The following PARD3B variants were observed in gnomAD, a reference collection of about 807,000 sequenced individuals.
The protein encoded by PARD3B is par-3 family cell polarity regulator beta, also known as partitioning defective 3 homolog B.
Under a neutral mutation model 130.2 loss-of-function variants are expected in PARD3B, and 103 were observed. That is an observed-to-expected ratio of 0.79 (90% CI 0.67 to 0.93). The LOEUF (loss-of-function observed/expected upper bound fraction) is 0.93, where lower values mean the gene tolerates loss of function less well. Ranked by LOEUF, PARD3B falls within the 40% of genes least tolerant of loss-of-function variation. PARD3B has a pLI of 0.00. For missense variants in PARD3B, 1,609 were observed against 1,499.2 expected (o/e 1.07, Z -1.21); for synonymous variants, 583 against 553.2 (o/e 1.05, Z -0.76).
intron 2 of PARD3B, among the ~76,000 whole-genome samples, chr2:204,787,754 G>T (rs1415814066): frequency 6.6e-6 from 1 of 152,182 alleles, no homozygotes; most frequent in African/African-American, 2.4e-5. Flanking sequence ...TGTCTTTAAA[G>T]GAAAATGACT....
intron 1 of PARD3B, among the ~76,000 whole-genome samples, chr2:204,663,082 C>G (rs1375947838): frequency 6.6e-6 from 1 of 152,190 alleles, no homozygotes; most frequent in Admixed American, 6.5e-5. Context: ...ACATTTGCCA[C>G]ATTTTAGTAA....
At chr2:205,120,648 C>T (rs753228475) in intron 7 of PARD3B, among the ~76,000 whole-genome samples, 90 of 152,190 alleles carry the variant, frequency 5.9e-4, no homozygotes, top group Admixed American at 1.4e-3. Context: ...AGGCAGCTTC[C>T]GTTTTCTGCT....
At chr2:204,948,645 A>G (rs528036060) in intron 2 of PARD3B, among the ~76,000 whole-genome samples, 1 of 152,278 alleles carries the variant, frequency 6.6e-6, no homozygotes, top group South Asian at 2.1e-4. Context: ...GTTCCCCAGT[A>G]TTTATCTTAC....
At position 205,107,052 on chromosome 2, in the gene PARD3B, T is replaced by C. The variant is rs138335707; in HGVS notation, c.593+2538T>C. Among the ~76,000 whole-genome samples, 1,065 of 152,340 alleles carry C rather than the reference T, an allele frequency of 7.0e-3. 14 individuals are homozygous for C. Among genetic ancestry groups the C allele is most frequent in the African/African-American group, 0.024 (1,006 of 41,572 alleles). ...AGGGCTTGGCCCATGCATAGGACTTTGGGCACGCATCCACGTAGAAGCTAA... is the reference window on the plus strand; with the variant it reads ...AGGGCTTGGCCCATGCATAGGACTTCGGGCACGCATCCACGTAGAAGCTAA... On this transcript the variant is annotated intron_variant, in intron 5 of 22. Transcript: ENST00000406610.
chr2:205,049,120 G>A (rs559632478), intron 4 of PARD3B, among the ~76,000 whole-genome samples: 1 of 152,276 alleles, frequency 6.6e-6, no homozygotes, highest in East Asian at 1.9e-4. Flanking sequence ...AAACGAGAGT[G>A]TGTCTGATTA....
rs1559361812 is a variant in PARD3B at position 205,021,152 on chromosome 2, A to G, written c.395-26429A>G. Among the ~76,000 whole-genome samples the G allele has an allele frequency of 6.6e-6, 1 of 152,176 alleles. No homozygotes were observed. The highest frequency in any genetic ancestry group is 2.4e-5 in the African/African-American group (1 of 41,446). ...TAATACAGCAAATAAAGCAAATTGGAATGATTTCATGAACCTGTGTAGAGG... is the reference window on the plus strand; with the variant it reads ...TAATACAGCAAATAAAGCAAATTGGGATGATTTCATGAACCTGTGTAGAGG... On this transcript the variant is annotated intron_variant, in intron 3 of 22. Transcript: ENST00000406610. This position sits in a 1 kb window ranked among gnomAD's most constrained non-coding sequence, Gnocchi z 4.5.
chr2:205,180,962 A>C (rs1423102943), intron 13 of PARD3B, among the ~76,000 whole-genome samples: 1 of 152,120 alleles, frequency 6.6e-6, no homozygotes, highest in African/African-American at 2.4e-5. Flanking sequence ...TTGCTGGCAG[A>C]TCTTACCCTG....
chr2:204,881,364 G>C (rs186966302), intron 2 of PARD3B, among the ~76,000 whole-genome samples: 128 of 152,234 alleles, frequency 8.4e-4, no homozygotes, highest in Non-Finnish European at 1.6e-3. Flanking sequence ...AGATCTACAC[G>C]TTGATAAATC....
intron 5 of PARD3B, among the ~76,000 whole-genome samples, chr2:205,113,021 T>A (rs1011008734): frequency 1.3e-5 from 2 of 152,170 alleles, no homozygotes; most frequent in Non-Finnish European, 2.9e-5. Context: ...AACACGTAAT[T>A]CTGTGCTTTT....
chr2:205,054,703 A>G (rs761967997), intron 4 of PARD3B, among the ~76,000 whole-genome samples: 4 of 151,730 alleles, frequency 2.6e-5, no homozygotes, highest in Non-Finnish European at 5.9e-5. Flanking sequence ...GTCAAAATAA[A>G]TTGACTAATC....
At chr2:205,521,559 TTC>T (rs1553536412) in intron 21 of PARD3B, among the ~76,000 whole-genome samples, 3 of 45,482 alleles carry the variant, frequency 6.6e-5, no homozygotes, top group Non-Finnish European at 1.3e-4. Flanking sequence ...ATGATTTTTT[TTC>T]TTTTTCTATT....
At chr2:205,144,206 C>T (rs930886496) in intron 10 of PARD3B, among the ~76,000 whole-genome samples, 3 of 152,138 alleles carry the variant, frequency 2.0e-5, no homozygotes, top group East Asian at 3.9e-4. Flanking sequence ...GATAAATATA[C>T]TTCAGGCATG....
intron 2 of PARD3B, among the ~76,000 whole-genome samples, chr2:204,773,780 A>C (rs2041493849): frequency 6.6e-6 from 1 of 151,838 alleles, no homozygotes; most frequent in South Asian, 2.1e-4. Flanking sequence ...ATCTCCTTTC[A>C]CCCTGACTTC....
chr2:205,095,076 GATCATAC>G (rs1332630386), intron 4 of PARD3B, among the ~76,000 whole-genome samples: 3 of 152,090 alleles, frequency 2.0e-5, no homozygotes, highest in Non-Finnish European at 4.4e-5. Flanking sequence ...TAATACCTTT[GATCATAC>G]ATTTTATGAT....
intron 2 of PARD3B, among the ~76,000 whole-genome samples, chr2:204,796,157 G>T (rs959948603): frequency 8.5e-5 from 13 of 152,208 alleles, no homozygotes; most frequent in African/African-American, 2.9e-4. Flanking sequence ...ATTGTTGGTT[G>T]TCTTATAATC....
Position 205,300,643 on chromosome 2 carries a change from C to T in PARD3B, c.2299C>T (p.Pro767Ser). 1 of 1,613,924 alleles carries T rather than the reference C, an allele frequency of 6.2e-7. No homozygotes were observed. Among genetic ancestry groups the T allele is most frequent in the Non-Finnish European group, 8.5e-7 (1 of 1,180,012 alleles). Residue 767 changes from proline to serine, a missense_variant, in exon 17 of 23, where the codon CCC becomes TCC. Physicochemically the swap from Pro to Ser is moderately conservative, Grantham distance 74. Coordinates refer to ENST00000406610, the MANE Select transcript of PARD3B (RefSeq NM_001302769.2). The surrounding 1 kb of genome is among the most constrained non-coding windows in gnomAD (Gnocchi z 4.1). ...GAAGAATGACCTTCCCTTTCACAGG[C>T]CCCGGCCGCACATGGTTCGAGGCCG... ...VRKNDLPFHR[P>S]RPHMVRGRGC...
chr2:204,559,666 G>A (rs2031175569), intron 1 of PARD3B, among the ~76,000 whole-genome samples: 1 of 152,188 alleles, frequency 6.6e-6, no homozygotes, highest in African/African-American at 2.4e-5. Context: ...AATATCATTT[G>A]ACCCAGCAGT....
At chr2:204,930,113 CCTCT>C (rs909780965) in intron 2 of PARD3B, among the ~76,000 whole-genome samples, 11 of 151,524 alleles carry the variant, frequency 7.3e-5, no homozygotes, top group Non-Finnish European at 1.2e-4. Context: ...GTTTTCAATT[CCTCT>C]CTCTATGTAG....
Position 205,038,448 on chromosome 2 carries a change from T to G in PARD3B, c.395-9133T>G, listed in dbSNP as rs551046105. On this transcript the variant is annotated intron_variant, in intron 3 of 22. Transcript: ENST00000406610. ...TCTGAGACCTGGCATTAACTAACCTTAAGTAGCATGAGCAAATTTATATTG... is the reference window on the plus strand; with the variant it reads ...TCTGAGACCTGGCATTAACTAACCTGAAGTAGCATGAGCAAATTTATATTG... Among the ~76,000 whole-genome samples the G allele has an allele frequency of 1.2e-4, 18 of 152,250 alleles. No individual in the cohort carries two copies. The South Asian group carries it at 3.7e-3, about 32-fold the overall frequency.
Sources: gnomAD v4.1 joint callset for allele counts (sites outside exome capture counted in the v4.1 genomes callset) on GRCh38, gnomAD v4.1.1 for gene constraint, Gnocchi (gnomAD v3.1) non-coding constraint, MANE v1.5 for transcripts, NCBI Gene and HGNC (gene_info 2026-07-23, HGNC 2026-07-21) for gene names.